CCBE1: variants seen among roughly 807,000 people sequenced by gnomAD.
CCBE1 encodes the protein collagen and calcium-binding EGF domain-containing protein 1.
Under a neutral mutation model 50.0 loss-of-function variants are expected in CCBE1, and 37 were observed. The ratio of observed to expected loss-of-function variants is 0.74; its 90% CI spans 0.57 to 0.97. The LOEUF is 0.97. CCBE1 is among the 50% of genes least tolerant of loss of function. The pLI, the probability that CCBE1 is intolerant of heterozygous loss-of-function variation, is 0.00. For missense variants in CCBE1, 538 were observed against 523.8 expected, an observed-to-expected ratio of 1.03 and a Z score of -0.26; for synonymous variants, 234 against 203.7, an observed-to-expected ratio of 1.15 and a Z score of -1.27.
intron 2 of CCBE1, among the ~76,000 whole-genome samples, chr18:59,517,072 G>A (rs1024924190): frequency 1.3e-5 from 2 of 152,216 alleles, no homozygotes; most frequent in Admixed American, 6.5e-5. Context: ...GAAGCTAAGA[G>A]TGCACACTTC....
intron 2 of CCBE1, among the ~76,000 whole-genome samples, chr18:59,568,937 C>T (rs2052867774): frequency 7.2e-5 from 11 of 152,226 alleles, no homozygotes; most frequent in Admixed American, 7.2e-4. Flanking sequence ...TCCCACCTGC[C>T]ACCTCCACCT....
rs57217059 is a variant in CCBE1 at position 59,522,993 on chromosome 18, C to CAAAAAAAAAAAAAAAAAAA, written c.213-42774_213-42756dup. 9.9e-3 allele frequency among the ~76,000 whole-genome samples: 881 copies of CAAAAAAAAAAAAAAAAAAA among 89,114 alleles called. 73 individuals carry two copies. Among genetic ancestry groups the CAAAAAAAAAAAAAAAAAAA allele is most frequent in the Non-Finnish European group, 0.015 (651 of 44,638 alleles). 58.5% of individuals were successfully genotyped at this position (89,114 alleles called of 152,430 possible). A position where few individuals can be genotyped will look rare whatever the true frequency, so the allele number is the denominator to read the frequency against. ...GGCAACAGAGTGAGAGACTCTGTTTCAAAAAAAAAAAAAAAAAAAATTCTC... is the reference window on the plus strand; with the variant it reads ...GGCAACAGAGTGAGAGACTCTGTTTCAAAAAAAAAAAAAAAAAAAAAAAAAAAAAAAAAAAAAAATTCTC... On this transcript the variant is annotated intron_variant, in intron 2 of 10. Transcript: ENST00000439986.
chr18:59,508,085 G>GT (rs758953877), intron 2 of CCBE1, among the ~76,000 whole-genome samples: 44 of 151,698 alleles, frequency 2.9e-4, no homozygotes, highest in Non-Finnish European at 3.2e-4. Context: ...TAGAGATGGG[G>GT]TTTCACCGTG....
intron 2 of CCBE1, among the ~76,000 whole-genome samples, chr18:59,481,324 G>A (rs1051697682): frequency 7.0e-5 from 8 of 114,438 alleles, no homozygotes; most frequent in African/African-American, 2.7e-4. Context: ...GAACAGAGAC[G>A]TGTGGGCTAA....
intron 2 of CCBE1, among the ~76,000 whole-genome samples, chr18:59,616,963 G>C (rs1034303542): frequency 6.6e-6 from 1 of 151,956 alleles, no homozygotes; most frequent in African/African-American, 2.4e-5. Flanking sequence ...TGCTTCACAG[G>C]GTTGCCATGA....
At chr18:59,537,161 A>T (rs2144369700) in intron 2 of CCBE1, among the ~76,000 whole-genome samples, 1 of 152,284 alleles carries the variant, frequency 6.6e-6, no homozygotes, top group Non-Finnish European at 1.5e-5. Context: ...AATCCATTTT[A>T]TGATAGTTCT....
At chr18:59,631,220 A>C (rs913120878) in intron 2 of CCBE1, among the ~76,000 whole-genome samples, 4 of 152,118 alleles carry the variant, frequency 2.6e-5, no homozygotes, top group African/African-American at 9.7e-5. Flanking sequence ...TGGAGAAAAA[A>C]AAAAGGCATG....
At chr18:59,575,888 C>T (rs542443965) in intron 2 of CCBE1, among the ~76,000 whole-genome samples, 129 of 152,320 alleles carry the variant, frequency 8.5e-4, no homozygotes, top group African/African-American at 3.0e-3. Context: ...AGTATACAGC[C>T]AGTAACTACC....
intron 6 of CCBE1, 113 bp downstream of exon 6, chr18:59,454,738 A>G: frequency 2.1e-6 from 2 of 937,784 alleles, no homozygotes; most frequent in Non-Finnish European, 3.4e-6. Flanking sequence ...ACTGGCATCA[A>G]CTGCGTGAAT....
At chr18:59,467,518 G>A (rs1249358865) in intron 4 of CCBE1, among the ~76,000 whole-genome samples, 1 of 152,156 alleles carries the variant, frequency 6.6e-6, no homozygotes, top group African/African-American at 2.4e-5. Context: ...AACCCAGACA[G>A]ACCCCTCATG....
chr18:59,623,865 T>C (rs1359934384), intron 2 of CCBE1, among the ~76,000 whole-genome samples: 1 of 151,672 alleles, frequency 6.6e-6, no homozygotes, highest in Non-Finnish European at 1.5e-5. Context: ...AAGCTGAAAA[T>C]AGAAAAAGAA....
At chr18:59,623,205 T>C (rs1329943843) in intron 2 of CCBE1, among the ~76,000 whole-genome samples, 1 of 152,194 alleles carries the variant, frequency 6.6e-6, no homozygotes, top group Non-Finnish European at 1.5e-5. Flanking sequence ...AATCCTTTTT[T>C]AAAAAATGTA....
chr18:59,528,177 T>C (rs1914903099), intron 2 of CCBE1, among the ~76,000 whole-genome samples: 1 of 152,214 alleles, frequency 6.6e-6, no homozygotes, highest in Non-Finnish European at 1.5e-5. Context: ...TGTTCATTCC[T>C]TTTCATTCTT....
chr18:59,565,193 T>C (rs1257526292), intron 2 of CCBE1, among the ~76,000 whole-genome samples: 1 of 134,902 alleles, frequency 7.4e-6, no homozygotes, highest in African/African-American at 3.2e-5. Flanking sequence ...GTGTCAAAAA[T>C]GTAGGTAGGT....
chr18:59,450,769 A>G (rs1910893628), intron 6 of CCBE1, among the ~76,000 whole-genome samples: 1 of 152,200 alleles, frequency 6.6e-6, no homozygotes, highest in Non-Finnish European at 1.5e-5. Context: ...TCTTGACCTC[A>G]AGTGATCCGC....
intron 2 of CCBE1, among the ~76,000 whole-genome samples, chr18:59,628,742 C>A (rs981774448): frequency 6.6e-6 from 1 of 152,146 alleles, no homozygotes; most frequent in Non-Finnish European, 1.5e-5. Flanking sequence ...GTCCAAGTGC[C>A]AGTCCTTCCT....
chr18:59,541,888 T>A (rs1258009986), intron 2 of CCBE1, among the ~76,000 whole-genome samples: 1 of 147,336 alleles, frequency 6.8e-6, no homozygotes, highest in African/African-American at 2.5e-5. Flanking sequence ...AAAAAAAAAA[T>A]CTTTGTGGCC....
rs938356347 is a variant in CCBE1, at chr18:59,447,043, A to AT, written c.775+939dup. Among the ~76,000 whole-genome samples the AT allele has an allele frequency of 7.3e-5, 11 of 151,654 alleles. No homozygotes were observed. The East Asian group carries it at 7.7e-4, about 11-fold the overall frequency. ...TAAAAATATAAAATAACTTGGAACT[A>AT]TTTTTTTTTAAGTTCTCATTGTATA... is the stretch of plus-strand genomic sequence containing the variant. On this transcript the variant is annotated intron_variant, in intron 7 of 10. Coordinates refer to ENST00000439986, the MANE Select transcript of CCBE1 (RefSeq NM_133459.4).
chr18:59,484,864 T>C (rs1388235293), intron 2 of CCBE1, among the ~76,000 whole-genome samples: 2 of 152,152 alleles, frequency 1.3e-5, no homozygotes, highest in African/African-American at 2.4e-5. Context: ...TAATGACATA[T>C]TCTGAAGTAT....
Sources: gnomAD v4.1 joint callset for allele counts (sites outside exome capture counted in the v4.1 genomes callset) on GRCh38, gnomAD v4.1.1 for gene constraint, MANE v1.5 for transcripts, NCBI Gene and HGNC (gene_info 2026-07-23, HGNC 2026-07-21) for gene names.